The following COG4 variants were observed in gnomAD, a reference collection of about 807,000 sequenced individuals.
COG4 encodes conserved oligomeric Golgi complex subunit 4.
COG4 carries 65 observed loss-of-function variants against 95.1 expected under a neutral mutation model. That is an observed-to-expected ratio of 0.68 (90% CI 0.56 to 0.84). COG4 has a LOEUF of 0.84. Among genes scored for constraint, COG4 ranks in the 40% least tolerant of loss-of-function variants. COG4 has a pLI of 0.00. For missense variants in COG4, 1,045 were observed against 989.1 expected (o/e 1.06, Z -0.76); for synonymous variants, 421 against 374.8 (o/e 1.12, Z -1.42).
At chr16:70,501,209 G>T in intron 8 of COG4, 118 bp from the exon 9 acceptor site, 1 of 1,112,918 alleles carries the variant, frequency 9.0e-7, no homozygotes, top group South Asian at 1.3e-5. Flanking sequence ...GAAAAGCTCT[G>T]CCAGATGGCC....
In COG4 at chr16:70,509,974, G is replaced by A; in HGVS notation, c.786C>T (p.Asp262=). The A allele has an allele frequency of 5.6e-6, 9 of 1,614,020 alleles. No homozygotes were observed. Among genetic ancestry groups the A allele is most frequent in the Non-Finnish European group, 7.6e-6 (9 of 1,179,930 alleles). ...EENLLMVLGT[D]MSDRRAAVIF... ...TGACTGCAGCTCTCCGATCACTCAT[G>A]TCTGTCCCCAGCACCATGAGCAGAT... Residue 262 remains aspartate (D), a synonymous_variant, in exon 6 of 19, where the codon GAC becomes GAT. Transcript: ENST00000323786.
At chr16:70,520,203 A>C (rs1426695378) in intron 1 of COG4, among the ~76,000 whole-genome samples, 1 of 152,140 alleles carries the variant, frequency 6.6e-6, no homozygotes, top group African/African-American at 2.4e-5. Flanking sequence ...TGGGAGGCCA[A>C]GGCAGGCGGA....
Position 70,480,791 on chromosome 16 carries a change from T to G in COG4, c.*219A>C, listed in dbSNP as rs1003730540. On this transcript the variant is annotated 3_prime_UTR_variant, in exon 19 of 19. Transcript: ENST00000323786. ...CTTTCCCACCTCATTAGGAGCCCGCTTCTCTCGGTGGGGAGATGCTGCCCC... is the reference window on the plus strand; with the variant it reads ...CTTTCCCACCTCATTAGGAGCCCGCGTCTCTCGGTGGGGAGATGCTGCCCC... The G allele has an allele frequency of 2.0e-5, 12 of 587,980 alleles. No homozygotes were observed. Among genetic ancestry groups the G allele is most frequent in the Non-Finnish European group, 3.6e-5 (12 of 332,562 alleles). 36.4% of individuals were successfully genotyped at this position (587,980 alleles called of 1,614,324 possible).
At chr16:70,519,755 T>A (rs376084834) in intron 1 of COG4, 24 bp from the exon 2 acceptor site, 3 of 1,558,836 alleles carry the variant, frequency 1.9e-6, no homozygotes, top group Non-Finnish European at 2.7e-6. Flanking sequence ...AAACATCCTG[T>A]CAGCAGAATG....
intron 10 of COG4, among the ~76,000 whole-genome samples, 160 bp from the exon 11 acceptor site, chr16:70,497,547 C>T (rs1030517993): frequency 6.6e-6 from 1 of 152,178 alleles, no homozygotes; most frequent in African/African-American, 2.4e-5. Flanking sequence ...GCTTACTTCC[C>T]TATTGATCAC....
intron 14 of COG4, among the ~76,000 whole-genome samples, chr16:70,483,588 G>T (rs2049059897): frequency 1.3e-5 from 2 of 152,150 alleles, no homozygotes; most frequent in African/African-American, 4.8e-5. Flanking sequence ...CTTCCTCTGA[G>T]CATCTTCTGA....
chr16:70,523,120 C>G, intron 1 of COG4: 1 of 549,356 alleles, frequency 1.8e-6, no homozygotes, highest in Non-Finnish European at 3.3e-6. Context: ...GATCATGGAT[C>G]AGGGAAATCA....
intron 2 of COG4, 129 bp downstream of exon 2, chr16:70,519,520 A>G: frequency 1.4e-6 from 1 of 725,072 alleles, no homozygotes; most frequent in Non-Finnish European, 2.5e-6. Flanking sequence ...TGTTCACTTT[A>G]TCTTGAGATA....
At chr16:70,488,789 G>T (rs1397258959) in intron 13 of COG4, among the ~76,000 whole-genome samples, 1 of 151,990 alleles carries the variant, frequency 6.6e-6, no homozygotes, top group African/African-American at 2.4e-5. Flanking sequence ...GACCTCAGGT[G>T]ATCCACCTGC....
At chr16:70,517,053 C>G (rs1191892359) in intron 3 of COG4, among the ~76,000 whole-genome samples, 1 of 152,104 alleles carries the variant, frequency 6.6e-6, no homozygotes, top group Admixed American at 6.5e-5. Context: ...TGTGCACCAC[C>G]ATGTCCAGCT....
rs769770565 is a variant in COG4, at chr16:70,480,992, G to C, written c.*18C>G. The stretch of plus-strand genomic sequence containing the variant: ...CAGGCCTGCAAGTGTGATGAGCCAG[G>C]TGTGCTCATCCAGGCAGCTACAGGC... On this transcript the variant is annotated 3_prime_UTR_variant, in exon 19 of 19. Transcript: ENST00000323786. The C allele has an allele frequency of 6.2e-7, 1 of 1,611,358 alleles. No individual in the cohort carries two copies. The highest frequency in any genetic ancestry group is 1.1e-5 in the South Asian group (1 of 91,016).
At chr16:70,503,293 C>T (rs1043055243) in intron 8 of COG4, among the ~76,000 whole-genome samples, 7 of 152,204 alleles carry the variant, frequency 4.6e-5, no homozygotes, top group Non-Finnish European at 8.8e-5. Context: ...CTCAAGTGAT[C>T]TGCCCACCTC....
At chr16:70,503,836 C>T (rs376628458) in intron 8 of COG4, among the ~76,000 whole-genome samples, 10 of 122,644 alleles carry the variant, frequency 8.2e-5, no homozygotes, top group East Asian at 1.9e-4. Flanking sequence ...CCTCGTGATC[C>T]GCCCGCCTCG....
At position 70,523,380 on chromosome 16, in the gene COG4, C is replaced by T. The variant is rs1434491877; in HGVS notation, c.164G>A (p.Gly55Asp). Reference protein sequence around the residue: ...ELEAVYERLCGEEKVVERELD... With the variant: ...ELEAVYERLCDEEKVVERELD... Reference sequence around the variant, plus strand: ...AGAGGCTCGACCCCGCACCTCCTCGCCGCAGAGCCGTTCGTATACAGCCTC... The same window carrying T: ...AGAGGCTCGACCCCGCACCTCCTCGTCGCAGAGCCGTTCGTATACAGCCTC... Residue 55 changes from glycine (G) to aspartate (D), a missense_variant, in exon 1 of 19, where the codon GGC (glycine) becomes GAC (aspartate). Gly to Asp is a moderately conservative substitution (Grantham distance 94). Transcript: ENST00000323786. 3.1e-6 allele frequency: 5 copies of T among 1,614,174 alleles called. No homozygotes were observed. The highest frequency in any genetic ancestry group is 4.2e-6 in the Non-Finnish European group (5 of 1,180,030).
chr16:70,494,341 T>C (rs1323303117), intron 12 of COG4, among the ~76,000 whole-genome samples: 2 of 152,200 alleles, frequency 1.3e-5, no homozygotes, highest in Admixed American at 6.6e-5. Flanking sequence ...CTGGGTTTAT[T>C]CCCTGCCCAC....
At chr16:70,490,263 G>C in intron 13 of COG4, 67 bp downstream of exon 13, 1 of 1,267,390 alleles carries the variant, frequency 7.9e-7, no homozygotes, top group Non-Finnish European at 1.2e-6. Flanking sequence ...CATGATGTTT[G>C]TATAGGGCTC....
chr16:70,520,581 G>C (rs567629098), intron 1 of COG4, among the ~76,000 whole-genome samples: 1 of 151,580 alleles, frequency 6.6e-6, no homozygotes, highest in Non-Finnish European at 1.5e-5. Flanking sequence ...GCAGTGAGCC[G>C]AGATCGTGCC....
chr16:70,500,832 G>T, intron 9 of COG4, 126 bp downstream of exon 9: 1 of 1,137,652 alleles, frequency 8.8e-7, no homozygotes, highest in Non-Finnish European at 1.3e-6. Flanking sequence ...GAGTCAATTT[G>T]CCTACAGACC....
chr16:70,511,146 A>T (rs1028490104), intron 5 of COG4, among the ~76,000 whole-genome samples: 2 of 152,246 alleles, frequency 1.3e-5, no homozygotes, highest in African/African-American at 2.4e-5. Context: ...ATATTCAGTG[A>T]AAAGTGGTTC....
Sources: gnomAD v4.1 joint callset for allele counts (sites outside exome capture counted in the v4.1 genomes callset) on GRCh38, gnomAD v4.1.1 for gene constraint, MANE v1.5 for transcripts, NCBI Gene and HGNC (gene_info 2026-07-23, HGNC 2026-07-21) for gene names.